The following AUTS2 variants were observed in gnomAD, a reference collection of about 807,000 sequenced individuals.
AUTS2 encodes the protein autism susceptibility gene 2 protein.
A neutral mutation model predicts 112.4 loss-of-function variants in AUTS2; 17 were observed. That is an observed-to-expected ratio of 0.15 (90% CI 0.10 to 0.23). The LOEUF (loss-of-function observed/expected upper bound fraction) is 0.23. AUTS2 is among the 10% of genes least tolerant of loss of function. The pLI is 1.00. For missense variants in AUTS2, 1,510 were observed against 1,701.6 expected, an observed-to-expected ratio of 0.89 and a Z score of 1.98; for synonymous variants, 751 against 702.7, an observed-to-expected ratio of 1.07 and a Z score of -1.09.
intron 16 of AUTS2, chr7:70,785,491 C>G (rs1474053694): frequency 2.1e-6 from 1 of 468,210 alleles, no homozygotes; most frequent in East Asian, 6.7e-5. Context: ...TTTGTGTGGC[C>G]TTTGTGTATT....
intron 2 of AUTS2, among the ~76,000 whole-genome samples, chr7:70,108,217 G>A (rs566263152): frequency 2.0e-5 from 3 of 152,220 alleles, no homozygotes; most frequent in East Asian, 3.9e-4. Context: ...GATCAAAATA[G>A]TGGCAAGTTG....
intron 5 of AUTS2, among the ~76,000 whole-genome samples, chr7:70,573,223 C>G (rs1802023588): frequency 6.6e-6 from 1 of 152,186 alleles, no homozygotes; most frequent in South Asian, 2.1e-4. Flanking sequence ...GAAAATTAAA[C>G]AAGTATCTCA....
chr7:70,537,609 G>A (rs1330015989), intron 5 of AUTS2, among the ~76,000 whole-genome samples: 3 of 152,186 alleles, frequency 2.0e-5, no homozygotes, highest in Non-Finnish European at 1.5e-5. Flanking sequence ...CGATAGGAGC[G>A]GAGGATGTTG....
At chr7:69,759,068 A>G (rs1422188932) in intron 1 of AUTS2, among the ~76,000 whole-genome samples, 1 of 152,206 alleles carries the variant, frequency 6.6e-6, no homozygotes, top group Non-Finnish European at 1.5e-5. Context: ...CAACCCTACC[A>G]GATGTAGGTA....
chr7:70,205,403 C>T (rs902846877), intron 4 of AUTS2, among the ~76,000 whole-genome samples: 5 of 152,130 alleles, frequency 3.3e-5, no homozygotes, highest in Admixed American at 3.3e-4. Context: ...AGGGCAAATG[C>T]AGTCATGCAC....
intron 2 of AUTS2, among the ~76,000 whole-genome samples, chr7:70,020,462 A>G (rs1456217638): frequency 1.3e-5 from 2 of 152,072 alleles, no homozygotes; most frequent in African/African-American, 4.8e-5. Context: ...TTGGTTCTTC[A>G]TTTTATTTAC....
At chr7:70,428,529 T>C (rs1795523735) in intron 4 of AUTS2, among the ~76,000 whole-genome samples, 2 of 152,186 alleles carry the variant, frequency 1.3e-5, no homozygotes, top group Non-Finnish European at 2.9e-5. Flanking sequence ...TCGATTTGTT[T>C]TGTCACTGGC....
At chr7:70,368,644 G>T (rs1441581495) in intron 4 of AUTS2, among the ~76,000 whole-genome samples, 2 of 152,150 alleles carry the variant, frequency 1.3e-5, no homozygotes, top group African/African-American at 4.8e-5. Context: ...GCTCCATCTC[G>T]GTATTTGCCT....
chr7:69,695,974 AT>A (rs1562817539), intron 1 of AUTS2, among the ~76,000 whole-genome samples: 2 of 152,168 alleles, frequency 1.3e-5, no homozygotes, highest in Non-Finnish European at 2.9e-5. Context: ...CCTTTGTGGT[AT>A]TTTTGTTTTG....
rs1044453882 is a variant in AUTS2, at chr7:69,815,576, A to G, written c.310-83710A>G. On this transcript the variant is annotated intron_variant, in intron 1 of 18. Coordinates refer to ENST00000342771, the MANE Select transcript of AUTS2 (RefSeq NM_015570.4). ...TGTCGCCAGACTGGAGTGCAGTGGC[A>G]TGATCTCAGCTCACTGCAACCTCCG... Among the ~76,000 whole-genome samples, 11 of 152,060 alleles carry G rather than the reference A, an allele frequency of 7.2e-5. No homozygotes were observed. In the East Asian group the frequency reaches 2.1e-3, roughly 29 times the overall value.
chr7:70,352,210 G>T (rs1430095116), intron 4 of AUTS2, among the ~76,000 whole-genome samples: 1 of 152,116 alleles, frequency 6.6e-6, no homozygotes, highest in East Asian at 1.9e-4. Context: ...CAGCCAGAAC[G>T]CATGCTCTTA....
intron 5 of AUTS2, among the ~76,000 whole-genome samples, chr7:70,640,923 G>A (rs769008147): frequency 3.3e-5 from 5 of 152,030 alleles, no homozygotes; most frequent in African/African-American, 7.2e-5. Context: ...CCAGCCTCCC[G>A]GGCTTCTGAT....
intron 4 of AUTS2, among the ~76,000 whole-genome samples, chr7:70,352,651 CGTT>C (rs764178063): frequency 4.1e-4 from 62 of 152,082 alleles, no homozygotes; most frequent in Non-Finnish European, 7.5e-4. Flanking sequence ...ACAGAACAGA[CGTT>C]ATCTTCTGTG....
intron 6 of AUTS2, among the ~76,000 whole-genome samples, chr7:70,750,132 A>G (rs1319443041): frequency 6.6e-6 from 1 of 152,126 alleles, no homozygotes; most frequent in African/African-American, 2.4e-5. Context: ...CTGCCATAAG[A>G]TATCACAGAC....
intron 1 of AUTS2, among the ~76,000 whole-genome samples, chr7:69,755,798 G>A (rs1227714225): frequency 6.6e-6 from 1 of 152,020 alleles, no homozygotes; most frequent in Non-Finnish European, 1.5e-5. Flanking sequence ...GGCATGTACG[G>A]GTCAAGAAAT....
rs115224886 is a variant in AUTS2 at position 69,905,969 on chromosome 7, T to C, written c.522+6471T>C. ...TTATATTTCCCAAAGTAAGAAAATT[T>C]TATATGTGTATTTGTGCATGCAGAA... On this transcript the variant is annotated intron_variant, in intron 2 of 18. Transcript: ENST00000342771. Among the ~76,000 whole-genome samples the C allele has an allele frequency of 3.7e-3, 566 of 152,316 alleles. 5 individuals are homozygous for C. The highest frequency in any genetic ancestry group is 0.013 in the African/African-American group (540 of 41,580).
Position 69,969,052 on chromosome 7 carries a change from T to C in AUTS2, c.522+69554T>C, listed in dbSNP as rs144423737. Among the ~76,000 whole-genome samples the C allele has an allele frequency of 5.3e-3, 798 of 151,826 alleles. 42 individuals are homozygous for C. Among genetic ancestry groups the C allele is most frequent in the Admixed American group, 0.049 (751 of 15,230 alleles). ...GATTGGGAAAGATTGTGGTTTGGGA[T>C]TTTTTTTTCTCAGTAGATTACTTTC... On this transcript the variant is annotated intron_variant, in intron 2 of 18. Transcript: ENST00000342771.
intron 4 of AUTS2, among the ~76,000 whole-genome samples, chr7:70,272,096 GCT>G (rs1787720296): frequency 6.6e-6 from 1 of 152,064 alleles, no homozygotes; most frequent in South Asian, 2.1e-4. Context: ...GAAATAGCAG[GCT>G]CTGTCTTATT....
intron 1 of AUTS2, among the ~76,000 whole-genome samples, chr7:69,620,268 A>G (rs1237501625): frequency 6.6e-6 from 1 of 152,210 alleles, no homozygotes; most frequent in East Asian, 1.9e-4. Flanking sequence ...AGGGCTCTCT[A>G]CTGGGCAAGG....
Sources: allele counts gnomAD v4.1 joint callset (sites outside exome capture counted in the v4.1 genomes callset), GRCh38; gene constraint gnomAD v4.1.1; transcripts MANE v1.5; gene names NCBI Gene and HGNC (gene_info 2026-07-23, HGNC 2026-07-21).